NREP: variants seen among roughly 807,000 people sequenced by gnomAD.
NREP encodes the protein neuronal regeneration related protein.
A neutral mutation model predicts 8.6 loss-of-function variants in NREP; 5 were observed. That is an observed-to-expected ratio of 0.58 (90% confidence interval 0.30 to 1.22). The LOEUF (loss-of-function observed/expected upper bound fraction) is 1.22, where lower values mean the gene tolerates loss of function less well. Among genes scored for constraint, NREP ranks in the 50% most tolerant of loss-of-function variants. NREP has a pLI of 0.07. For synonymous variants in NREP, 27 were observed against 28.0 expected (o/e 0.96, Z 0.11); for missense variants, 86 against 82.5 (o/e 1.04, Z -0.17).
At chr5:111,945,065 A>G (rs919215926) in intron 2 of NREP, among the ~76,000 whole-genome samples, 1 of 152,094 alleles carries the variant, frequency 6.6e-6, no homozygotes, top group Admixed American at 6.6e-5. Flanking sequence ...ATTCTAAGGT[A>G]ACAATTCTTC....
chr5:111,900,509 A>G (rs1228456131), intron 2 of NREP, among the ~76,000 whole-genome samples: 1 of 152,032 alleles, frequency 6.6e-6, no homozygotes, highest in Non-Finnish European at 1.5e-5. Flanking sequence ...AAGTTGATAA[A>G]CTGCTAGTTA....
chr5:111,734,973 A>G, intron 3 of NREP: 1 of 400,184 alleles, frequency 2.5e-6, no homozygotes, highest in East Asian at 3.7e-5. Context: ...GTTTATAAAA[A>G]ATGGTTTTTA....
chr5:111,737,460 T>C (rs1395997975), intron 2 of NREP, among the ~76,000 whole-genome samples: 4 of 152,132 alleles, frequency 2.6e-5, no homozygotes, highest in Admixed American at 2.0e-4. Flanking sequence ...ACCAAAAACG[T>C]TGATAAAAGT....
At chr5:111,741,926 A>ACTC (rs1561638867) in intron 2 of NREP, among the ~76,000 whole-genome samples, 1 of 151,676 alleles carries the variant, frequency 6.6e-6, no homozygotes, top group Non-Finnish European at 1.5e-5. Context: ...CAACTACTGC[A>ACTC]CTCTAGACTC....
chr5:111,814,201 T>G (rs1481185730), intron 2 of NREP, among the ~76,000 whole-genome samples: 1 of 152,262 alleles, frequency 6.6e-6, no homozygotes, highest in East Asian at 1.9e-4. Context: ...CTTAGATTAT[T>G]TGATATATTT....
intron 2 of NREP, among the ~76,000 whole-genome samples, chr5:111,855,166 C>A (rs1194038136): frequency 6.6e-6 from 1 of 151,908 alleles, no homozygotes; most frequent in African/African-American, 2.4e-5. Flanking sequence ...AAATTGTACA[C>A]CTATAAGGAA....
At chr5:111,939,918 T>A (rs1017223058) in intron 2 of NREP, 1 of 152,006 alleles carries the variant, frequency 6.6e-6, no homozygotes, top group African/African-American at 2.4e-5. Context: ...GACAAGGTTA[T>A]GTTTTGATCA....
At chr5:111,881,197 C>G (rs1754055746) in intron 2 of NREP, among the ~76,000 whole-genome samples, 2 of 152,210 alleles carry the variant, frequency 1.3e-5, no homozygotes, top group Non-Finnish European at 2.9e-5. Flanking sequence ...CTCAGAGGGT[C>G]CTACACCCAC....
At chr5:111,888,099 C>G (rs1032209110) in intron 2 of NREP, among the ~76,000 whole-genome samples, 2 of 152,158 alleles carry the variant, frequency 1.3e-5, no homozygotes, top group Non-Finnish European at 2.9e-5. Context: ...AGGTGAGGGT[C>G]AGCTAAGGCA....
chr5:111,743,417 C>G (rs1356613253), intron 2 of NREP, among the ~76,000 whole-genome samples: 1 of 152,100 alleles, frequency 6.6e-6, no homozygotes. Context: ...TGGAGTGGAA[C>G]CAGAATAAAT....
At chr5:111,847,126 T>A (rs1232376215) in intron 2 of NREP, among the ~76,000 whole-genome samples, 1 of 151,142 alleles carries the variant, frequency 6.6e-6, no homozygotes, top group Non-Finnish European at 1.5e-5. Flanking sequence ...TTTTTTTTTT[T>A]ACACACTGTC....
chr5:111,941,160 T>C (rs969550668), intron 2 of NREP, among the ~76,000 whole-genome samples: 22 of 152,074 alleles, frequency 1.4e-4, no homozygotes, highest in African/African-American at 4.8e-4. Context: ...GAATTGTAAA[T>C]AGGCATTCAA....
intron 2 of NREP, among the ~76,000 whole-genome samples, chr5:111,903,082 C>CTTTTTT (rs759722512): frequency 8.1e-6 from 1 of 122,722 alleles, no homozygotes; most frequent in Non-Finnish European, 1.7e-5. Flanking sequence ...TGTCTTTTCT[C>CTTTTTT]TTTTTTTTTT....
chr5:111,905,039 T>G (rs1466309772), intron 2 of NREP, among the ~76,000 whole-genome samples: 1 of 152,140 alleles, frequency 6.6e-6, no homozygotes, highest in Non-Finnish European at 1.5e-5. Flanking sequence ...GTTATGTAAG[T>G]ATCTGAACCC....
intron 2 of NREP, among the ~76,000 whole-genome samples, chr5:111,947,141 A>G (rs747708449): frequency 4.6e-5 from 7 of 152,196 alleles, no homozygotes; most frequent in African/African-American, 1.4e-4. Flanking sequence ...ATGTATAACT[A>G]TAGAAGTCCC....
At chr5:111,920,792 G>T (rs1480136341) in intron 2 of NREP, among the ~76,000 whole-genome samples, 1 of 152,130 alleles carries the variant, frequency 6.6e-6, no homozygotes, top group African/African-American at 2.4e-5. Flanking sequence ...AGGCGGGGCA[G>T]AACACTACAA....
intron 2 of NREP, among the ~76,000 whole-genome samples, chr5:111,773,693 T>G (rs1751289931): frequency 6.6e-6 from 1 of 152,176 alleles, no homozygotes; most frequent in South Asian, 2.1e-4. Flanking sequence ...AGGTTTGAGA[T>G]CATCTAAAGT....
chr5:111,827,442 C>T (rs1561682635), intron 2 of NREP, among the ~76,000 whole-genome samples: 1 of 152,198 alleles, frequency 6.6e-6, no homozygotes, highest in African/African-American at 2.4e-5. Context: ...AAAATGGCTA[C>T]ACAATGCCCA....
downstream of NREP, chr5:111,728,990 G>T (rs554663988): frequency 6.6e-6 from 1 of 152,182 alleles, no homozygotes; most frequent in African/African-American, 2.4e-5. Context: ...GTGAGAAAGA[G>T]TAAGTTTTGA....
Sources: allele counts gnomAD v4.1 joint callset (sites outside exome capture counted in the v4.1 genomes callset), GRCh38; gene constraint gnomAD v4.1.1; transcripts MANE v1.5; gene names NCBI Gene and HGNC (gene_info 2026-07-23, HGNC 2026-07-21).